The following IPO5 variants were observed in gnomAD, a reference collection of about 807,000 sequenced individuals.
IPO5 encodes the protein importin-5.
A neutral mutation model predicts 143.3 loss-of-function variants in IPO5; 18 were observed. The observed-to-expected ratio is 0.13, with a 90% CI of 0.09 to 0.19. IPO5 has a LOEUF of 0.19. Ranked by LOEUF, IPO5 falls within the 10% of genes least tolerant of loss-of-function variation. The pLI is 1.00. For missense variants in IPO5, 1,013 were observed against 1,336.9 expected (o/e 0.76, Z 3.78); for synonymous variants, 477 against 465.7 (o/e 1.02, Z -0.31).
rs139407425 is a variant in IPO5 at position 97,991,707 on chromosome 13, A to G, written c.669+1170A>G. Among the ~76,000 whole-genome samples, 588 of 152,316 alleles carry G rather than the reference A, an allele frequency of 3.9e-3. 3 individuals are homozygous for G. Among genetic ancestry groups the G allele is most frequent in the South Asian group, 6.2e-3 (30 of 4,824 alleles). On this transcript the variant is annotated intron_variant, in intron 9 of 28. Coordinates refer to ENST00000651721, the MANE Select transcript of IPO5 (RefSeq NM_002271.6). Reference sequence around the variant, plus strand: ...TGGGATGTTCCACCTGTATGTATCCATTCTTGATTGATACAGTAGTTACAT... The same window carrying G: ...TGGGATGTTCCACCTGTATGTATCCGTTCTTGATTGATACAGTAGTTACAT...
chr13:97,963,530 C>T (rs959809042), intron 2 of IPO5, among the ~76,000 whole-genome samples: 1 of 151,830 alleles, frequency 6.6e-6, no homozygotes, highest in Admixed American at 6.6e-5. Context: ...CCCTCACGCC[C>T]GGCTAATTTT....
chr13:97,969,347 A>G (rs1395203941), intron 2 of IPO5, among the ~76,000 whole-genome samples: 1 of 150,988 alleles, frequency 6.6e-6, no homozygotes, highest in Admixed American at 6.6e-5. Context: ...ACGCCCAGCT[A>G]ATTTTTTTGT....
At chr13:97,970,416 C>T (rs906443557) in intron 3 of IPO5, among the ~76,000 whole-genome samples, 3 of 151,682 alleles carry the variant, frequency 2.0e-5, no homozygotes, top group Non-Finnish European at 2.9e-5. Context: ...GTCAGGAGTT[C>T]GAGACAAGCC....
chr13:97,972,749 CAA>C (rs1265355002), intron 3 of IPO5, among the ~76,000 whole-genome samples: 1 of 152,092 alleles, frequency 6.6e-6, no homozygotes, highest in African/African-American at 2.4e-5. Flanking sequence ...AAGCAAAACT[CAA>C]AGTTTTCTAT....
At chr13:97,975,948 G>C (rs931259756) in intron 3 of IPO5, 2 of 985,720 alleles carry the variant, frequency 2.0e-6, no homozygotes, top group African/African-American at 3.5e-5. Context: ...TGAGTCCACA[G>C]CCCTGGGGGA....
Position 98,018,390 on chromosome 13 carries a change from G to T in IPO5, c.2617-95G>T, listed in dbSNP as rs1228189142. On this transcript the variant is annotated intron_variant, in intron 25 of 28. Transcript: ENST00000651721. ...TTCTTTTTTCTTTTGCCTGTATGAG[G>T]AATATCAATGTAAGCAGATAGTCTA... The T allele has an allele frequency of 6.6e-6, 6 of 905,218 alleles. No homozygotes were observed. The East Asian group carries it at 7.3e-5, about 11-fold the overall frequency. The allele number at this position is 905,218 out of a possible 1,614,324, so 56.1% of individuals were successfully genotyped here.
intron 9 of IPO5, among the ~76,000 whole-genome samples, chr13:97,991,938 C>T (rs1887836503): frequency 6.6e-6 from 1 of 152,184 alleles, no homozygotes; most frequent in Non-Finnish European, 1.5e-5. Context: ...CTTTGCCCAT[C>T]CTCAATCGTG....
intron 12 of IPO5, among the ~76,000 whole-genome samples, chr13:97,998,380 CT>C (rs1474525517): frequency 6.6e-6 from 1 of 152,104 alleles, no homozygotes; most frequent in Non-Finnish European, 1.5e-5. Flanking sequence ...TATAAAGCAG[CT>C]TTTTTGTGAT....
chr13:98,002,689 A>G lies in IPO5; in HGVS notation c.1239A>G (p.Pro413=). The change falls in exon 15 of 29, where the codon CCA becomes CCG. Residue 413 remains proline (P), a synonymous_variant. Transcript: ENST00000651721. ...TGAAAGGGAACATTTTCCAGCATCC[A>G]AGAGTAAGGTATGCAGCCTGTAATG... is the stretch of plus-strand genomic sequence containing the variant. ...FVLLFLQDPH[P]RVRYAACNAV... is the part of the protein sequence containing the mutation. 1.9e-6 allele frequency: 3 copies of G among 1,609,882 alleles called. No individual in the cohort carries two copies. Among genetic ancestry groups the G allele is most frequent in the Non-Finnish European group, 2.5e-6 (3 of 1,177,836 alleles).
At chr13:98,001,041 G>T (rs1194898310) in intron 13 of IPO5, 4 of 206,494 alleles carry the variant, frequency 1.9e-5, no homozygotes, top group Non-Finnish European at 4.0e-5. Flanking sequence ...CTGCCCTGGA[G>T]GGCAGCTGTT....
chr13:97,976,101 A>C, intron 3 of IPO5: 2 of 339,216 alleles, frequency 5.9e-6, no homozygotes, highest in African/African-American at 2.2e-5. Flanking sequence ...TCCAGCGGCC[A>C]CGGGGAGGGG....
intron 17 of IPO5, among the ~76,000 whole-genome samples, chr13:98,007,124 G>T (rs960043807): frequency 3.3e-5 from 5 of 151,986 alleles, no homozygotes; most frequent in African/African-American, 1.2e-4. Context: ...CTGCTCACAG[G>T]TGTGAGCCAC....
At chr13:98,009,405 T>C (rs9517157) in intron 18 of IPO5, among the ~76,000 whole-genome samples, 8,111 of 152,240 alleles carry the variant, frequency 0.053, 485 homozygotes, top group East Asian at 0.33. Flanking sequence ...ATGAGAAAAT[T>C]ATAACAGCTA....
At chr13:97,984,169 G>A (rs796672903) in intron 5 of IPO5, among the ~76,000 whole-genome samples, 11 of 150,276 alleles carry the variant, frequency 7.3e-5, no homozygotes, top group African/African-American at 2.4e-4. Flanking sequence ...TAGTAGAGAC[G>A]GGGTTTCACC....
chr13:97,969,836 T>G lies in IPO5; in HGVS notation c.-5+6T>G. 6.2e-7 allele frequency: 1 copy of G among 1,601,602 alleles called. No homozygotes were observed. Among genetic ancestry groups the G allele is most frequent in the South Asian group, 1.1e-5 (1 of 89,230 alleles). On this transcript the variant is annotated splice_donor_region_variant and intron_variant, in intron 3 of 28. Transcript: ENST00000651721. ...GCAACAGAAAACACAATAAGGTAAC[T>G]GATTTCACCTGGGGAAAAGTCACTT...
At position 98,013,966 on chromosome 13, in the gene IPO5, T is replaced by C. The variant is rs1889914942; in HGVS notation, c.2153-76T>C. ...TAGATAAACAGAAGTTGCCTAGCACTCCTTTTAGTGCATTGAACCCTTTAA... is the reference window on the plus strand; with the variant it reads ...TAGATAAACAGAAGTTGCCTAGCACCCCTTTTAGTGCATTGAACCCTTTAA... On this transcript the variant is annotated intron_variant, in intron 21 of 28. Transcript: ENST00000651721. The C allele has an allele frequency of 4.6e-6, 6 of 1,303,782 alleles. No homozygotes were observed. In the South Asian group the frequency reaches 9.2e-5, roughly 20 times the overall value. 80.8% of individuals were successfully genotyped at this position (1,303,782 alleles called of 1,614,324 possible).
At chr13:97,982,705 A>G in intron 5 of IPO5, 122 bp downstream of exon 5, 1 of 677,910 alleles carries the variant, frequency 1.5e-6, no homozygotes, top group Non-Finnish European at 2.5e-6. Context: ...AGAACTTTGT[A>G]CTTATTATTT....
At chr13:97,979,204 G>T (rs780573306) in intron 4 of IPO5, among the ~76,000 whole-genome samples, 1 of 152,006 alleles carries the variant, frequency 6.6e-6, no homozygotes, top group Non-Finnish European at 1.5e-5. Context: ...TGAAAAATTG[G>T]CCAGGGCTCA....
In IPO5 at chr13:98,017,831, T is replaced by G. The variant is rs190744058; in HGVS notation, c.2617-654T>G. Among the ~76,000 whole-genome samples, 356 of 151,496 alleles carry G rather than the reference T, an allele frequency of 2.3e-3. 2 individuals are homozygous for G. Among genetic ancestry groups the G allele is most frequent in the Non-Finnish European group, 1.4e-3 (94 of 67,860 alleles). On this transcript the variant is annotated intron_variant, in intron 25 of 28. Transcript: ENST00000651721. Reference sequence around the variant, plus strand: ...TTGTTTTTTTGTATTTTTAGTTGTGTTTTTTTGTTGGGTTTTTAGTAGAGA... The same window carrying G: ...TTGTTTTTTTGTATTTTTAGTTGTGGTTTTTTGTTGGGTTTTTAGTAGAGA...
Sources: allele counts gnomAD v4.1 joint callset (sites outside exome capture counted in the v4.1 genomes callset), GRCh38; gene constraint gnomAD v4.1.1; transcripts MANE v1.5; gene names NCBI Gene and HGNC (gene_info 2026-07-23, HGNC 2026-07-21).